Variants in SH3BGRL2 observed in about 807,000 individuals in gnomAD.
The protein encoded by SH3BGRL2 is SH3 domain binding glutamate rich protein like 2, also known as SH3 domain-binding glutamic acid-rich-like protein 2.
In SH3BGRL2, 21 loss-of-function variants were observed where a neutral mutation model predicts 14.8. The ratio of observed to expected loss-of-function variants is 1.42; its 90% CI spans 1.01 to 2.05. SH3BGRL2 has a LOEUF of 2.05. Among genes scored for constraint, SH3BGRL2 ranks in the 30% most tolerant of loss-of-function variants. SH3BGRL2 has a pLI of 0.00. For synonymous variants in SH3BGRL2, 50 were observed against 47.8 expected (o/e 1.05, Z -0.19); for missense variants, 147 against 130.8 (o/e 1.12, Z -0.61).
At chr6:79,537,951 T>C in the SH3BGRL2 span, among the ~76,000 whole-genome samples, 1 of 150,498 alleles carries the variant, frequency 6.6e-6, no homozygotes, top group Non-Finnish European at 1.5e-5. Flanking sequence ...TGAGTTTGGC[T>C]TGAAAGTGAT....
the SH3BGRL2 span, among the ~76,000 whole-genome samples, chr6:79,551,792 T>C: frequency 6.6e-6 from 1 of 152,122 alleles, no homozygotes; most frequent in South Asian, 2.1e-4. Flanking sequence ...GCCCTATATG[T>C]AAAAATGCCT....
At chr6:79,556,373 A>G in the SH3BGRL2 span, among the ~76,000 whole-genome samples, 1 of 152,166 alleles carries the variant, frequency 6.6e-6, no homozygotes, top group South Asian at 2.1e-4. Context: ...GTTATGAACA[A>G]TTACCCAAAG....
At chr6:79,597,401 G>A in the SH3BGRL2 span, among the ~76,000 whole-genome samples, 1 of 151,460 alleles carries the variant, frequency 6.6e-6, no homozygotes, top group Non-Finnish European at 1.5e-5. Flanking sequence ...GAGGAAGGAA[G>A]GAAGGAAGGA....
At chr6:79,544,417 C>T in the SH3BGRL2 span, among the ~76,000 whole-genome samples, 2 of 152,312 alleles carry the variant, frequency 1.3e-5, no homozygotes, top group Middle Eastern at 3.4e-3. Context: ...CCAGCTGGTA[C>T]TAGCTTGCAA....
chr6:79,659,058 AT>A (rs1769485435), intron 1 of SH3BGRL2, among the ~76,000 whole-genome samples: 2 of 152,132 alleles, frequency 1.3e-5, no homozygotes, highest in South Asian at 4.1e-4. Context: ...AGATGGGTAG[AT>A]TGCAAAAATT....
the SH3BGRL2 span, among the ~76,000 whole-genome samples, chr6:79,612,286 G>T: frequency 6.6e-6 from 1 of 152,102 alleles, no homozygotes; most frequent in Non-Finnish European, 1.5e-5. Context: ...AGGCAACAGC[G>T]TGAGACTCTG....
chr6:79,689,669 T>C (rs79547560), intron 2 of SH3BGRL2, among the ~76,000 whole-genome samples: 2,681 of 152,208 alleles, frequency 0.018, 80 homozygotes, highest in African/African-American at 0.061. Context: ...TTATAGGTGT[T>C]GGTTTATATA....
intron 2 of SH3BGRL2, among the ~76,000 whole-genome samples, chr6:79,688,342 T>C (rs1261882698): frequency 6.6e-6 from 1 of 152,214 alleles, no homozygotes; most frequent in Non-Finnish European, 1.5e-5. Context: ...TTTTTCTTTT[T>C]GTCAGCAATT....
At chr6:79,695,387 A>G (rs1770309883) in intron 2 of SH3BGRL2, among the ~76,000 whole-genome samples, 1 of 152,210 alleles carries the variant, frequency 6.6e-6, no homozygotes, top group Non-Finnish European at 1.5e-5. Flanking sequence ...AAATAATTCA[A>G]AGATTTTTTA....
intron 1 of SH3BGRL2, among the ~76,000 whole-genome samples, chr6:79,658,666 G>T (rs1769474103): frequency 6.6e-6 from 1 of 152,176 alleles, no homozygotes; most frequent in East Asian, 1.9e-4. Flanking sequence ...CCAGTAATGG[G>T]ATTGCTAGGT....
intron 1 of SH3BGRL2, among the ~76,000 whole-genome samples, chr6:79,639,998 ATACAGTT>A: frequency 1.3e-5 from 2 of 152,222 alleles, no homozygotes; most frequent in Non-Finnish European, 2.9e-5. Flanking sequence ...TTCAGGTTAT[ATACAGTT>A]GTCTTTTGAG....
chr6:79,620,182 T>C, the SH3BGRL2 span, among the ~76,000 whole-genome samples: 1 of 152,100 alleles, frequency 6.6e-6, no homozygotes, highest in Non-Finnish European at 1.5e-5. Flanking sequence ...AATAATAAAC[T>C]AATGTTCTTT....
chr6:79,596,108 G>A, the SH3BGRL2 span, among the ~76,000 whole-genome samples: 1 of 152,150 alleles, frequency 6.6e-6, no homozygotes, highest in African/African-American at 2.4e-5. Context: ...TAAAATACTT[G>A]TACATTAATA....
the SH3BGRL2 span, among the ~76,000 whole-genome samples, chr6:79,543,631 CT>C: frequency 6.6e-6 from 1 of 152,246 alleles, no homozygotes; most frequent in South Asian, 2.1e-4. Flanking sequence ...CAGCAGAACC[CT>C]TTCTCAAGTA....
the SH3BGRL2 span, among the ~76,000 whole-genome samples, chr6:79,544,031 C>A: frequency 6.6e-6 from 1 of 152,078 alleles, no homozygotes; most frequent in African/African-American, 2.4e-5. Flanking sequence ...ATAAGTGGCC[C>A]CCAAGAATCC....
chr6:79,635,435 T>C (rs1768904173), intron 1 of SH3BGRL2, among the ~76,000 whole-genome samples: 2 of 152,256 alleles, frequency 1.3e-5, no homozygotes, highest in South Asian at 2.1e-4. Flanking sequence ...GAATGACTCA[T>C]ATATTCATCA....
chr6:79,631,406 T>G lies in SH3BGRL2; in HGVS notation c.-56T>G. On this transcript the variant is annotated 5_prime_UTR_variant, in exon 1 of 4. Coordinates refer to ENST00000369838, the MANE Select transcript of SH3BGRL2 (RefSeq NM_031469.4). ...GCTCGTAGCTGGGTTCAGCTCTGCG[T>G]CCACGCCAGCCCGGAGCCCGGGGGG... 3 of 1,467,236 alleles carry G rather than the reference T, an allele frequency of 2.0e-6. No homozygotes were observed. The highest frequency in any genetic ancestry group is 2.7e-6 in the Non-Finnish European group (3 of 1,102,710). The allele number at this position is 1,467,236 out of a possible 1,614,324, so 90.9% of individuals were successfully genotyped here.
intron 1 of SH3BGRL2, among the ~76,000 whole-genome samples, chr6:79,671,842 C>T (rs1228670447): frequency 1.3e-5 from 2 of 152,220 alleles, no homozygotes; most frequent in East Asian, 1.9e-4. Context: ...GCAGACCTTA[C>T]AAACAGGCTG....
rs937857233 is a variant in SH3BGRL2 at position 79,683,089 on chromosome 6, C to T, written c.231+9290C>T. On this transcript the variant is annotated intron_variant, in intron 2 of 3. Transcript: ENST00000369838. ...GGGAGGGATAGCATTAGGAGAAATA[C>T]CTAATGTAAATGATGAGTTGATGGG... is the stretch of plus-strand genomic sequence containing the variant. Among the ~76,000 whole-genome samples, 7 of 152,048 alleles carry T rather than the reference C, an allele frequency of 4.6e-5. No individual in the cohort carries two copies. In the East Asian group the frequency reaches 1.2e-3, roughly 25 times the overall value.
Sources: allele counts gnomAD v4.1 joint callset (sites outside exome capture counted in the v4.1 genomes callset), GRCh38; gene constraint gnomAD v4.1.1; transcripts MANE v1.5; gene names NCBI Gene and HGNC (gene_info 2026-07-23, HGNC 2026-07-21).